The following CSGALNACT1 variants were observed in gnomAD, a reference collection of about 807,000 sequenced individuals.
CSGALNACT1 encodes the protein beta4GalNAcT-1.
In CSGALNACT1, 52 loss-of-function variants were observed where a neutral mutation model predicts 51.0. The observed-to-expected ratio is 1.02, with a 90% confidence interval of 0.82 to 1.29. The LOEUF (loss-of-function observed/expected upper bound fraction) is 1.29. Among genes scored for constraint, CSGALNACT1 ranks in the 50% most tolerant of loss-of-function variants. CSGALNACT1 has a pLI of 0.00. For synonymous variants in CSGALNACT1, 341 were observed against 254.4 expected (o/e 1.34, Z -3.24); for missense variants, 935 against 679.2 (o/e 1.38, Z -4.19).
intron 1 of CSGALNACT1, among the ~76,000 whole-genome samples, chr8:19,751,015 T>C (rs959740215): frequency 9.9e-5 from 15 of 152,172 alleles, no homozygotes; most frequent in African/African-American, 3.4e-4. Flanking sequence ...GCAGACCCTC[T>C]GATAAAAATT....
At chr8:19,428,053 C>T (rs1257605029) in intron 6 of CSGALNACT1, among the ~76,000 whole-genome samples, 2 of 152,116 alleles carry the variant, frequency 1.3e-5, no homozygotes, top group African/African-American at 4.8e-5. Context: ...TCCTCTGGAT[C>T]CCCTGCAGGT....
intron 1 of CSGALNACT1, among the ~76,000 whole-genome samples, chr8:19,676,795 G>A (rs1227494442): frequency 6.6e-6 from 1 of 152,194 alleles, no homozygotes; most frequent in East Asian, 1.9e-4. Context: ...GACAGGATTG[G>A]AAGGATCTTT....
intron 1 of CSGALNACT1, among the ~76,000 whole-genome samples, chr8:19,625,051 C>T (rs892098410): frequency 1.2e-4 from 19 of 152,168 alleles, no homozygotes; most frequent in African/African-American, 4.6e-4. Flanking sequence ...AAAAGATAAG[C>T]CTAATCAACG....
rs1274391065 is a variant in CSGALNACT1, at chr8:19,726,866, A to C, written c.-297+30984T>G. ...CAAAAGGGGTTTTATTAGGACACTGAGAGCTCAGAGGACTGAAAGCTGAGG... is the reference window on the plus strand; with the variant it reads ...CAAAAGGGGTTTTATTAGGACACTGCGAGCTCAGAGGACTGAAAGCTGAGG... On this transcript the variant is annotated intron_variant, in intron 1 of 1. Coordinates refer to the CSGALNACT1 transcript ENST00000517494. 2.0e-5 allele frequency among the ~76,000 whole-genome samples: 3 copies of C among 152,242 alleles called. No homozygotes were observed. The East Asian group carries it at 5.8e-4, about 29-fold the overall frequency.
intron 4 of CSGALNACT1, among the ~76,000 whole-genome samples, chr8:19,492,782 A>C (rs1056698266): frequency 6.6e-6 from 1 of 152,220 alleles, no homozygotes; most frequent in African/African-American, 2.4e-5. Context: ...ATCGTATTTA[A>C]AACATTATTC....
intron 1 of CSGALNACT1, among the ~76,000 whole-genome samples, chr8:19,756,293 T>C (rs2065369298): frequency 6.6e-6 from 1 of 152,054 alleles, no homozygotes; most frequent in Non-Finnish European, 1.5e-5. Context: ...TGACGTTAAG[T>C]AAAAACTGCA....
At chr8:19,603,995 G>C (rs976667898), upstream of CSGALNACT1, among the ~76,000 whole-genome samples, 7 of 152,168 alleles carry the variant, frequency 4.6e-5, no homozygotes, top group African/African-American at 1.7e-4. Context: ...ATACCAAACT[G>C]CAGGTTCGGA....
intron 3 of CSGALNACT1, among the ~76,000 whole-genome samples, chr8:19,532,408 C>T (rs2082948332): frequency 6.6e-6 from 1 of 152,024 alleles, no homozygotes; most frequent in Non-Finnish European, 1.5e-5. Context: ...AAACATGAGC[C>T]GTGTTACAAA....
At chr8:19,594,373 G>A (rs1279434958) in intron 2 of CSGALNACT1, among the ~76,000 whole-genome samples, 5 of 152,208 alleles carry the variant, frequency 3.3e-5, no homozygotes, top group Non-Finnish European at 5.9e-5. Context: ...TGTGTAATCC[G>A]GCACTCAATA....
exon 1 of CSGALNACT1, chr8:19,682,532 T>C: frequency 2.4e-6 from 1 of 419,126 alleles, no homozygotes; most frequent in South Asian, 1.7e-5. Flanking sequence ...ACGTATGGTC[T>C]TTCCCGGTCT....
chr8:19,405,053 TA>T (rs2053879434), exon 10 of CSGALNACT1: 2 of 453,002 alleles, frequency 4.4e-6, no homozygotes, highest in Non-Finnish European at 8.8e-6. Context: ...AGTATCTTCT[TA>T]AAAAATATAA....
At chr8:19,676,095 ACAAAAC>A (rs771849475) in intron 1 of CSGALNACT1, among the ~76,000 whole-genome samples, 9,253 of 136,194 alleles carry the variant, frequency 0.068, 669 homozygotes, top group African/African-American at 0.12. Flanking sequence ...AAAAAACAAA[ACAAAAC>A]AAAAAAAACT....
intron 1 of CSGALNACT1, among the ~76,000 whole-genome samples, chr8:19,618,701 T>C (rs1452880328): frequency 6.8e-6 from 1 of 148,106 alleles, no homozygotes; most frequent in African/African-American, 2.5e-5. Context: ...AAGAAAACCT[T>C]AGCAATCATG....
At position 19,660,129 on chromosome 8, in the gene CSGALNACT1, G is replaced by A. The variant is rs184099791; in HGVS notation, c.-544+22344C>T. Among the ~76,000 whole-genome samples, 828 of 152,250 alleles carry A rather than the reference G, an allele frequency of 5.4e-3. 7 individuals carry two copies. Among genetic ancestry groups the A allele is most frequent in the Non-Finnish European group, 8.3e-3 (565 of 68,024 alleles). ...CCATGACTTAATGGTCAATCTGTGGGGCTTCAGAGTTCACATTCTTGTCCA... is the reference window on the plus strand; with the variant it reads ...CCATGACTTAATGGTCAATCTGTGGAGCTTCAGAGTTCACATTCTTGTCCA... On this transcript the variant is annotated intron_variant, in intron 1 of 9. Coordinates refer to the CSGALNACT1 transcript ENST00000332246.
At chr8:19,642,607 C>CA (rs1170160846) in intron 1 of CSGALNACT1, among the ~76,000 whole-genome samples, 1 of 151,748 alleles carries the variant, frequency 6.6e-6, no homozygotes, top group Non-Finnish European at 1.5e-5. Flanking sequence ...GCCTTCTCTA[C>CA]AAAAACAAAA....
At chr8:19,663,370 C>T (rs1457216278) in intron 1 of CSGALNACT1, among the ~76,000 whole-genome samples, 2 of 152,090 alleles carry the variant, frequency 1.3e-5, no homozygotes, top group African/African-American at 4.8e-5. Context: ...CCTCTTCTCG[C>T]CAAAATCTAA....
intron 1 of CSGALNACT1, among the ~76,000 whole-genome samples, chr8:19,637,546 CG>C (rs1386174440): frequency 6.6e-6 from 1 of 152,114 alleles, no homozygotes; most frequent in African/African-American, 2.4e-5. Flanking sequence ...TAATGTTAGC[CG>C]AACAGTTATG....
chr8:19,667,008 AAAGAAAGAAAGG>A (rs1564386135), intron 1 of CSGALNACT1, among the ~76,000 whole-genome samples: 92 of 31,402 alleles, frequency 2.9e-3, no homozygotes, highest in Admixed American at 6.7e-3. Flanking sequence ...AGAAAGAAAG[AAAGAAAGAAAGG>A]AAGGAAGGAA....
At chr8:19,574,446 C>T (rs2154114229) in intron 3 of CSGALNACT1, among the ~76,000 whole-genome samples, 1 of 152,322 alleles carries the variant, frequency 6.6e-6, no homozygotes, top group South Asian at 2.1e-4. Flanking sequence ...AACCAAAAAG[C>T]TATGCTGCTC....
Sources: gnomAD v4.1 joint callset for allele counts (sites outside exome capture counted in the v4.1 genomes callset) on GRCh38, gnomAD v4.1.1 for gene constraint, MANE v1.5 for transcripts, NCBI Gene and HGNC (gene_info 2026-07-23, HGNC 2026-07-21) for gene names.